The following UHRF2 variants were observed in gnomAD, a reference collection of about 807,000 sequenced individuals.
UHRF2 encodes the protein E3 ubiquitin-protein ligase UHRF2.
UHRF2 carries 23 observed loss-of-function variants against 96.8 expected under a neutral mutation model. The observed-to-expected ratio is 0.24, with a 90% confidence interval of 0.17 to 0.34. The LOEUF (loss-of-function observed/expected upper bound fraction) is 0.34. Ranked by LOEUF, UHRF2 falls within the 10% of genes least tolerant of loss-of-function variation. UHRF2 has a pLI of 1.00. For missense variants in UHRF2, 685 were observed against 981.5 expected (o/e 0.70, Z 4.04); for synonymous variants, 385 against 332.6 (o/e 1.16, Z -1.72).
intron 12 of UHRF2, chr9:6,498,387 T>C (rs1825088066): frequency 7.9e-6 from 3 of 377,396 alleles, no homozygotes; most frequent in South Asian, 1.8e-4. Flanking sequence ...GACCTGTTAA[T>C]TAAAAGTAAA....
In UHRF2 at chr9:6,477,717, A is replaced by G. The variant is rs749979045; in HGVS notation, c.1069A>G (p.Asn357Asp). 5.3e-5 allele frequency: 86 copies of G among 1,614,026 alleles called. 1 individual carries two copies. Among genetic ancestry groups the G allele is most frequent in the Non-Finnish European group, 6.4e-5 (75 of 1,180,000 alleles). Residue 357 changes from asparagine (N) to aspartate (D), a missense_variant, in exon 6 of 16, where the codon AAC (asparagine) becomes GAC (aspartate). By Grantham distance (23) the Asn-to-Asp change is conservative. Coordinates refer to ENST00000276893, the MANE Select transcript of UHRF2 (RefSeq NM_152896.3). Reference protein sequence around the residue: ...CRVCGGKHEPNMQLLCDECNV... With the variant: ...CRVCGGKHEPDMQLLCDECNV... ...TGTATGTGGTGGGAAACATGAACCC[A>G]ACATGCAGCTTCTGTGTGATGAATG...
intron 6 of UHRF2, among the ~76,000 whole-genome samples, chr9:6,481,291 T>G (rs1439344131): frequency 1.3e-5 from 2 of 152,204 alleles, no homozygotes; most frequent in African/African-American, 4.8e-5. Context: ...CAGTTGAATG[T>G]TCTAGGAAGA....
chr9:6,471,057 G>A (rs373146799), intron 4 of UHRF2, among the ~76,000 whole-genome samples: 4 of 152,294 alleles, frequency 2.6e-5, no homozygotes, highest in Non-Finnish European at 5.9e-5. Context: ...TTGAAAAGAG[G>A]TGGATGGTTG....
At chr9:6,462,183 CATTA>C (rs1372642745) in intron 4 of UHRF2, among the ~76,000 whole-genome samples, 3 of 152,052 alleles carry the variant, frequency 2.0e-5, no homozygotes, top group Non-Finnish European at 4.4e-5. Flanking sequence ...CAACAGTGGC[CATTA>C]ATTTATGTAT....
chr9:6,453,687 G>A (rs1016902960), intron 3 of UHRF2, among the ~76,000 whole-genome samples: 8 of 152,104 alleles, frequency 5.3e-5, no homozygotes, highest in Admixed American at 3.9e-4. Flanking sequence ...GGCAGATCAC[G>A]GGGTCAGGAG....
At chr9:6,475,877 T>G (rs2130893358) in intron 5 of UHRF2, among the ~76,000 whole-genome samples, 1 of 152,306 alleles carries the variant, frequency 6.6e-6, no homozygotes, top group East Asian at 1.9e-4. Flanking sequence ...ATTTTTTGTG[T>G]GTGTTGGGAA....
At chr9:6,459,220 AG>A (rs202217487) in intron 3 of UHRF2, among the ~76,000 whole-genome samples, 1 of 151,074 alleles carries the variant, frequency 6.6e-6, no homozygotes, top group Non-Finnish European at 1.5e-5. Context: ...TTTTAAAAAA[AG>A]AAAGAAAGAA....
rs765609642 is a variant in UHRF2 at position 6,506,086 on chromosome 9, G to C, written c.2316G>C (p.Arg772=). The C allele has an allele frequency of 4.3e-6, 7 of 1,614,156 alleles. No homozygotes were observed. The highest frequency in any genetic ancestry group is 5.1e-6 in the Non-Finnish European group (6 of 1,180,034). Residue 772 remains arginine, a synonymous_variant, in exon 16 of 16, where the codon CGG becomes CGC. Coordinates refer to ENST00000276893, the MANE Select transcript of UHRF2 (RefSeq NM_152896.3). The part of the protein sequence containing the change: ...KAQVFSCPAC[R]HDLGQNYIMI... The stretch of plus-strand genomic sequence containing the variant: ...AGGTTTTCTCCTGCCCTGCTTGCCG[G>C]CATGATCTTGGCCAGAATTACATCA...
chr9:6,474,903 A>AT (rs1435409434), intron 4 of UHRF2, among the ~76,000 whole-genome samples: 3 of 152,156 alleles, frequency 2.0e-5, no homozygotes, highest in African/African-American at 4.8e-5. Context: ...TTTTTTGTAG[A>AT]TTTTTTAAAT....
chr9:6,484,943 G>A (rs910948385), intron 8 of UHRF2, among the ~76,000 whole-genome samples: 4 of 151,676 alleles, frequency 2.6e-5, no homozygotes, highest in Admixed American at 1.3e-4. Context: ...ACAGGTATAC[G>A]TCACCATGCC....
chr9:6,495,924 G>A (rs1824939674), intron 10 of UHRF2: 1 of 151,798 alleles, frequency 6.6e-6, no homozygotes, highest in Non-Finnish European at 1.5e-5. Flanking sequence ...TCTGTAAGAC[G>A]TAATAGTAGC....
chr9:6,442,334 A>T (rs1024409456), intron 3 of UHRF2, among the ~76,000 whole-genome samples: 4 of 152,218 alleles, frequency 2.6e-5, no homozygotes, highest in East Asian at 1.9e-4. Context: ...CCCTGATTGT[A>T]AAATGCTTTT....
intron 4 of UHRF2, among the ~76,000 whole-genome samples, chr9:6,474,071 A>C (rs1823414576): frequency 6.6e-6 from 1 of 152,192 alleles, no homozygotes; most frequent in Non-Finnish European, 1.5e-5. Flanking sequence ...AAAAAAATTA[A>C]GGTAAATATA....
intron 4 of UHRF2, among the ~76,000 whole-genome samples, chr9:6,462,126 A>G (rs755989720): frequency 2.0e-5 from 3 of 152,232 alleles, no homozygotes; most frequent in Non-Finnish European, 2.9e-5. Context: ...AGGCAAGCTT[A>G]TAGCCCACTA....
chr9:6,489,320 AACAGCTGGGTTCTT>A (rs1270159217), intron 9 of UHRF2, among the ~76,000 whole-genome samples: 4 of 152,236 alleles, frequency 2.6e-5, no homozygotes, highest in Admixed American at 2.0e-4. Flanking sequence ...CTCATGGAAG[AACAGCTGGGTTCTT>A]TTGAGTTTTT....
chr9:6,426,284 T>C (rs1820257790), intron 2 of UHRF2, among the ~76,000 whole-genome samples: 1 of 152,212 alleles, frequency 6.6e-6, no homozygotes, highest in Non-Finnish European at 1.5e-5. Flanking sequence ...CCTATTACTA[T>C]GTGGTATAGA....
intron 14 of UHRF2, among the ~76,000 whole-genome samples, chr9:6,501,837 T>G (rs1300001181): frequency 6.6e-6 from 1 of 152,212 alleles, no homozygotes; most frequent in African/African-American, 2.4e-5. Context: ...ATTCTCTGAT[T>G]GGGAAAGATA....
chr9:6,486,461 C>T (rs768092757), intron 8 of UHRF2, among the ~76,000 whole-genome samples: 3 of 152,146 alleles, frequency 2.0e-5, no homozygotes, highest in Admixed American at 6.5e-5. Context: ...AAGAGAGAAA[C>T]GGTATAGACT....
At chr9:6,453,536 C>T (rs892949689) in intron 3 of UHRF2, among the ~76,000 whole-genome samples, 1 of 152,122 alleles carries the variant, frequency 6.6e-6, no homozygotes, top group African/African-American at 2.4e-5. Context: ...CTAGTTTAAC[C>T]TCATTTTATA....
Sources: gnomAD v4.1 joint callset for allele counts (sites outside exome capture counted in the v4.1 genomes callset) on GRCh38, gnomAD v4.1.1 for gene constraint, MANE v1.5 for transcripts, NCBI Gene and HGNC (gene_info 2026-07-23, HGNC 2026-07-21) for gene names.